The following CLVS1 variants were observed in gnomAD, a reference collection of about 807,000 sequenced individuals.
CLVS1 encodes the protein clavesin 1.
Under a neutral mutation model 33.1 loss-of-function variants are expected in CLVS1, and 10 were observed. The ratio of observed to expected loss-of-function variants is 0.30; its 90% confidence interval spans 0.19 to 0.51. CLVS1 has a LOEUF of 0.51. CLVS1 is among the 20% of genes least tolerant of loss of function. The probability of loss-of-function intolerance (pLI) is 0.97; values close to 1 mark genes in which losing one functional copy is unlikely to be tolerated. For synonymous variants in CLVS1, 163 were observed against 166.1 expected, an observed-to-expected ratio of 0.98 and a Z score of 0.14; for missense variants, 343 against 433.4, an observed-to-expected ratio of 0.79 and a Z score of 1.85.
intron 2 of CLVS1, among the ~76,000 whole-genome samples, chr8:61,367,440 C>T (rs1438685822): frequency 6.6e-6 from 1 of 152,084 alleles, no homozygotes; most frequent in Non-Finnish European, 1.5e-5. Context: ...GTCTAGTGTC[C>T]AAACCTCCCC....
At chr8:61,075,944 G>T (rs1585591371) in intron 1 of CLVS1, among the ~76,000 whole-genome samples, 1 of 152,126 alleles carries the variant, frequency 6.6e-6, no homozygotes, top group African/African-American at 2.4e-5. Flanking sequence ...TGATGCTGTG[G>T]AATGAAATAA....
intron 2 of CLVS1, among the ~76,000 whole-genome samples, chr8:61,134,901 T>C (rs2129291838): frequency 1.3e-5 from 2 of 151,870 alleles, no homozygotes; most frequent in Middle Eastern, 3.4e-3. Context: ...GGGGGGTGGG[T>C]AGTTTTATCC....
intron 2 of CLVS1, among the ~76,000 whole-genome samples, chr8:61,269,404 G>GT (rs764914262): frequency 0.017 from 2,574 of 152,198 alleles, 35 homozygotes; most frequent in Non-Finnish European, 0.026. Flanking sequence ...GTACCATGCT[G>GT]TTTTGGTTAC....
chr8:61,110,106 C>G (rs957793283), intron 1 of CLVS1, among the ~76,000 whole-genome samples: 1 of 152,182 alleles, frequency 6.6e-6, no homozygotes, highest in Admixed American at 6.5e-5. Context: ...ACGGTTGCCC[C>G]CTTCTATTGA....
chr8:61,094,986 T>C (rs1043777841), intron 1 of CLVS1, among the ~76,000 whole-genome samples: 5 of 152,266 alleles, frequency 3.3e-5, no homozygotes, highest in African/African-American at 1.2e-4. Context: ...TTCTTTGTTA[T>C]GTATATTTAG....
intron 3 of CLVS1, among the ~76,000 whole-genome samples, chr8:61,392,273 A>G (rs188875723): frequency 3.4e-4 from 51 of 152,116 alleles, no homozygotes; most frequent in African/African-American, 7.2e-4. Context: ...TGGAGGCTGC[A>G]GTGAGCTATG....
intron 1 of CLVS1, among the ~76,000 whole-genome samples, chr8:61,100,422 T>G (rs1805427607): frequency 6.6e-6 from 1 of 152,208 alleles, no homozygotes; most frequent in Non-Finnish European, 1.5e-5. Flanking sequence ...CAGACATTTT[T>G]TGGATACTCT....
chr8:61,205,805 G>A (rs930331071), intron 2 of CLVS1, among the ~76,000 whole-genome samples: 1 of 151,712 alleles, frequency 6.6e-6, no homozygotes. Context: ...CATCCTCTTG[G>A]GTGTGAGAGA....
chr8:61,081,180 C>T (rs565762510), intron 1 of CLVS1, among the ~76,000 whole-genome samples: 1 of 152,282 alleles, frequency 6.6e-6, no homozygotes, highest in South Asian at 2.1e-4. Context: ...TTGTGCTTTG[C>T]TGCTAGGACT....
chr8:61,292,456 T>C (rs906340407), intron 1 of CLVS1: 1 of 455,930 alleles, frequency 2.2e-6, no homozygotes, highest in Non-Finnish European at 4.4e-6. Flanking sequence ...CGTTTTTGGG[T>C]GAGTCCTACC....
Position 61,202,369 on chromosome 8 carries a change from G to A in CLVS1, c.-152+70509G>A, listed in dbSNP as rs1326504341. ...CCTCCCGATGGAAGATCTGATGGAC[G>A]TGGACATGAGCTCCCTGAGGCCCCA... On this transcript the variant is annotated intron_variant, in intron 2 of 2. Coordinates refer to the CLVS1 transcript ENST00000522621. The A allele has an allele frequency of 5.0e-5, 37 of 746,446 alleles. 1 individual carries two copies. The highest frequency in any genetic ancestry group is 4.5e-5 in the Non-Finnish European group (18 of 402,938). The allele number at this position is 746,446 out of a possible 1,614,324, so 46.2% of individuals were successfully genotyped here.
In CLVS1 at chr8:61,206,160, A is replaced by T. The variant is rs1371874108; in HGVS notation, c.-152+74300A>T. On this transcript the variant is annotated intron_variant, in intron 2 of 2. Coordinates refer to the CLVS1 transcript ENST00000522621. ...TACCATTTACCAAATAGTATTTAAC[A>T]GTATCCTGAGAATACTGTTAAATAT... Among the ~76,000 whole-genome samples the T allele has an allele frequency of 2.0e-5, 3 of 152,228 alleles. No homozygotes were observed. The East Asian group carries it at 5.8e-4, about 29-fold the overall frequency.
intron 2 of CLVS1, among the ~76,000 whole-genome samples, chr8:61,357,743 G>C (rs1325135001): frequency 6.6e-6 from 1 of 151,896 alleles, no homozygotes; most frequent in African/African-American, 2.4e-5. Flanking sequence ...TGTTGGCCAA[G>C]CTGGTCTTCA....
chr8:61,423,385 TC>T (rs1405113447), intron 3 of CLVS1, among the ~76,000 whole-genome samples: 1 of 152,228 alleles, frequency 6.6e-6, no homozygotes, highest in Non-Finnish European at 1.5e-5. Flanking sequence ...CTAATGATGC[TC>T]ATTAGCTTAC....
At chr8:61,352,750 G>C (rs1182583468) in intron 2 of CLVS1, among the ~76,000 whole-genome samples, 1 of 151,602 alleles carries the variant, frequency 6.6e-6, no homozygotes, top group Non-Finnish European at 1.5e-5. Flanking sequence ...TTCAACAAAT[G>C]GTGGATCAAA....
intron 2 of CLVS1, among the ~76,000 whole-genome samples, chr8:61,259,812 G>T (rs539464564): frequency 6.6e-6 from 1 of 152,332 alleles, no homozygotes; most frequent in African/African-American, 2.4e-5. Context: ...GGATATTGGC[G>T]GTGTGGCAGG....
chr8:61,223,677 A>G (rs1585702616), intron 2 of CLVS1, among the ~76,000 whole-genome samples: 1 of 152,158 alleles, frequency 6.6e-6, no homozygotes, highest in East Asian at 1.9e-4. Flanking sequence ...CTTCTCATGG[A>G]GTATCTTAAT....
At chr8:61,318,831 G>A (rs971819760) in intron 2 of CLVS1, among the ~76,000 whole-genome samples, 1 of 152,032 alleles carries the variant, frequency 6.6e-6, no homozygotes, top group African/African-American at 2.4e-5. Context: ...GGCTGGTCTT[G>A]AAGCCCTGGG....
chr8:61,054,620 G>T (rs1433596364), upstream of CLVS1, among the ~76,000 whole-genome samples: 1 of 151,996 alleles, frequency 6.6e-6, no homozygotes, highest in African/African-American at 2.4e-5. Flanking sequence ...GCCCATTCGT[G>T]CTGGCTTTTG....
Sources: gnomAD v4.1 joint callset for allele counts (sites outside exome capture counted in the v4.1 genomes callset) on GRCh38, gnomAD v4.1.1 for gene constraint, MANE v1.5 for transcripts, NCBI Gene and HGNC (gene_info 2026-07-23, HGNC 2026-07-21) for gene names.